The following ANO4 variants were observed in gnomAD, a reference collection of about 807,000 sequenced individuals.
ANO4 encodes anoctamin 4, also known as anoctamin-4.
Under a neutral mutation model 141.9 loss-of-function variants are expected in ANO4, and 69 were observed. The observed-to-expected ratio is 0.49, with a 90% confidence interval of 0.40 to 0.59. ANO4 has a LOEUF of 0.59. Among genes scored for constraint, ANO4 ranks in the 20% least tolerant of loss-of-function variants. The pLI, the probability that ANO4 is intolerant of heterozygous loss-of-function variation, is 0.00. For missense variants in ANO4, 894 were observed against 1,162.2 expected, an observed-to-expected ratio of 0.77 and a Z score of 3.36; for synonymous variants, 350 against 394.3, an observed-to-expected ratio of 0.89 and a Z score of 1.33.
chr12:100,804,314 G>GTA (rs780706542), intron 1 of ANO4, among the ~76,000 whole-genome samples: 12 of 152,120 alleles, frequency 7.9e-5, no homozygotes, highest in South Asian at 2.1e-4. Context: ...GCATTCCATG[G>GTA]TATATATATA....
chr12:101,064,235 A>G (rs1335366413), intron 14 of ANO4, among the ~76,000 whole-genome samples: 2 of 152,060 alleles, frequency 1.3e-5, no homozygotes, highest in Non-Finnish European at 2.9e-5. Context: ...AATATTTTCT[A>G]ATTTCCTTTG....
intron 9 of ANO4, among the ~76,000 whole-genome samples, chr12:101,028,701 A>G (rs1187375260): frequency 6.6e-6 from 1 of 152,246 alleles, no homozygotes; most frequent in Admixed American, 6.5e-5. Flanking sequence ...CCTACAATTG[A>G]TTGGAGTACC....
At chr12:100,797,154 A>T (rs1189589335) in intron 1 of ANO4, among the ~76,000 whole-genome samples, 1 of 152,082 alleles carries the variant, frequency 6.6e-6, no homozygotes, top group Non-Finnish European at 1.5e-5. Context: ...ATACACACAT[A>T]TACAAGCGTG....
At chr12:100,783,727 A>G (rs1482695165) in intron 3 of ANO4, among the ~76,000 whole-genome samples, 1 of 152,148 alleles carries the variant, frequency 6.6e-6, no homozygotes, top group African/African-American at 2.4e-5. Context: ...TTGCAGCTTT[A>G]TCTGCTGTTC....
intron 1 of ANO4, among the ~76,000 whole-genome samples, chr12:100,891,460 C>T (rs1306560036): frequency 6.6e-6 from 1 of 152,090 alleles, no homozygotes; most frequent in African/African-American, 2.4e-5. Context: ...AGGTTCCTGT[C>T]GCACTGTATT....
At chr12:100,817,415 A>G (rs1281620540) in intron 1 of ANO4, among the ~76,000 whole-genome samples, 1 of 151,870 alleles carries the variant, frequency 6.6e-6, no homozygotes, top group East Asian at 1.9e-4. Context: ...TGAGATATTG[A>G]AAAGAAAATA....
intron 2 of ANO4, among the ~76,000 whole-genome samples, chr12:100,911,226 G>A (rs1353266094): frequency 1.3e-5 from 2 of 152,036 alleles, no homozygotes; most frequent in Non-Finnish European, 2.9e-5. Flanking sequence ...GGAAACTAAG[G>A]CATGAAGAAG....
chr12:100,819,812 C>T (rs893774160), intron 1 of ANO4, among the ~76,000 whole-genome samples: 7 of 151,844 alleles, frequency 4.6e-5, no homozygotes, highest in African/African-American at 1.7e-4. Flanking sequence ...GAAGGAGAAA[C>T]TGAGTAAGTT....
chr12:100,850,935 C>T (rs956315918), intron 1 of ANO4, among the ~76,000 whole-genome samples: 2 of 151,940 alleles, frequency 1.3e-5, no homozygotes, highest in Non-Finnish European at 1.5e-5. Flanking sequence ...TATTAATATT[C>T]TATATTATGC....
At chr12:100,898,145 C>T (rs2040430089) in intron 1 of ANO4, among the ~76,000 whole-genome samples, 2 of 152,148 alleles carry the variant, frequency 1.3e-5, no homozygotes, top group Non-Finnish European at 2.9e-5. Flanking sequence ...TGTGATGATA[C>T]ATTAATGGGA....
chr12:101,023,304 A>G (rs1281969437), intron 9 of ANO4, among the ~76,000 whole-genome samples: 3 of 152,242 alleles, frequency 2.0e-5, no homozygotes, highest in Non-Finnish European at 4.4e-5. Context: ...TGCTAGTCAG[A>G]AAGGGTCTTT....
At chr12:100,983,267 G>C (rs2044564336) in intron 7 of ANO4, among the ~76,000 whole-genome samples, 1 of 152,206 alleles carries the variant, frequency 6.6e-6, no homozygotes, top group Non-Finnish European at 1.5e-5. Flanking sequence ...CTGTTGCCAG[G>C]TCTTGAGGAG....
At chr12:100,960,765 T>C (rs1457504592) in intron 5 of ANO4, among the ~76,000 whole-genome samples, 1 of 152,222 alleles carries the variant, frequency 6.6e-6, no homozygotes, top group Admixed American at 6.5e-5. Context: ...CATGGGTTAC[T>C]GATTGGGTCA....
chr12:100,884,772 G>C (rs1229153316), intron 1 of ANO4, among the ~76,000 whole-genome samples: 1 of 152,118 alleles, frequency 6.6e-6, no homozygotes. Context: ...TCAGCTCACT[G>C]TAATCTCTGC....
At position 101,094,305 on chromosome 12, in the gene ANO4, C is replaced by A. The variant is rs368700735; in HGVS notation, c.1738+13C>A. 4.1e-4 allele frequency: 649 copies of A among 1,602,022 alleles called. No homozygotes were observed. Among genetic ancestry groups the A allele is most frequent in the Non-Finnish European group, 5.2e-4 (604 of 1,169,486 alleles). Reference sequence around the variant, plus strand: ...CTGACGAATTTAGGTGAGTGGAATCCTTTCTATTTCATAGAACTGTACTGT... The same window carrying A: ...CTGACGAATTTAGGTGAGTGGAATCATTTCTATTTCATAGAACTGTACTGT... On this transcript the variant is annotated intron_variant, in intron 18 of 27. Coordinates refer to ENST00000392977, the MANE Select transcript of ANO4 (RefSeq NM_001286615.2).
At chr12:100,942,298 T>C in intron 4 of ANO4, 79 bp from the exon 5 acceptor site, 1 of 1,509,346 alleles carries the variant, frequency 6.6e-7, no homozygotes. Context: ...TTATTTAGTT[T>C]TAATTGTTCT....
intron 1 of ANO4, among the ~76,000 whole-genome samples, chr12:100,881,840 G>T (rs192421400): frequency 6.6e-6 from 1 of 152,254 alleles, no homozygotes; most frequent in African/African-American, 2.4e-5. Context: ...TGTTTTCCTT[G>T]AAGAAATTTG....
chr12:100,748,995 A>T (rs1459347184), intron 3 of ANO4, among the ~76,000 whole-genome samples: 1 of 152,184 alleles, frequency 6.6e-6, no homozygotes, highest in Admixed American at 6.5e-5. Context: ...GGGCATTTTT[A>T]TGCATTTTGG....
rs143696822 is a variant in ANO4, at chr12:100,771,457, A to G, written c.358+31352A>G. Among the ~76,000 whole-genome samples, 13 of 152,350 alleles carry G rather than the reference A, an allele frequency of 8.5e-5. No homozygotes were observed. The East Asian group carries it at 2.1e-3, about 25-fold the overall frequency. ...ACTTACTGCAATAGTGTAAGCAAGC[A>G]GCTAAGCTAGAGAAAGCACCACCCC... On this transcript the variant is annotated intron_variant, in intron 3 of 29. Coordinates refer to the ANO4 transcript ENST00000644049.
Sources: allele counts gnomAD v4.1 joint callset (sites outside exome capture counted in the v4.1 genomes callset), GRCh38; gene constraint gnomAD v4.1.1; transcripts MANE v1.5; gene names NCBI Gene and HGNC (gene_info 2026-07-23, HGNC 2026-07-21).